The following TREML1 variants were observed in gnomAD, a reference collection of about 807,000 sequenced individuals.
TREML1 encodes trem-like transcript 1 protein.
A neutral mutation model predicts 22.8 loss-of-function variants in TREML1; 27 were observed. That is an observed-to-expected ratio of 1.19 (90% confidence interval 0.87 to 1.64). TREML1 has a LOEUF of 1.64. Among genes scored for constraint, TREML1 ranks in the 40% most tolerant of loss-of-function variants. The pLI is 0.00. For synonymous variants in TREML1, 153 were observed against 161.9 expected (o/e 0.94, Z 0.42); for missense variants, 356 against 382.0 (o/e 0.93, Z 0.57).
At chr6:41,152,458 AG>A (rs1399112170) in intron 2 of TREML1, among the ~76,000 whole-genome samples, 2 of 152,196 alleles carry the variant, frequency 1.3e-5, no homozygotes, top group East Asian at 3.9e-4. Context: ...TCAAGGAATG[AG>A]GAGGGCAAAG....
rs1313145613 is a variant in TREML1, at chr6:41,149,720, C to T, written c.820G>A (p.Val274Ile). Residue 274 changes from valine to isoleucine, a missense_variant, in exon 6 of 6, where the codon GTC (valine) becomes ATC (isoleucine). Coordinates refer to ENST00000426005, the MANE Select transcript of TREML1 (RefSeq NM_178174.4). ...GCATATGTCACAGGCTTGGAGCAGA[C>T]CAGGACCTTAGGAGGTAGAGGGGGC... Reference protein sequence around the residue: ...SLPPLPPKVLVCSKPVTYATV... With the variant: ...SLPPLPPKVLICSKPVTYATV... 2 of 1,614,116 alleles carry T rather than the reference C, an allele frequency of 1.2e-6. No homozygotes were observed. Among genetic ancestry groups the T allele is most frequent in the Admixed American group, 1.7e-5 (1 of 60,010 alleles).
intron 2 of TREML1, 135 bp downstream of exon 2, chr6:41,153,623 A>G: frequency 1.2e-6 from 1 of 846,460 alleles, no homozygotes; most frequent in Non-Finnish European, 1.8e-6. Context: ...CTCCCTGCAG[A>G]GCTGTCAAGA....
At chr6:41,153,028 A>AT (rs1561874029) in intron 2 of TREML1, among the ~76,000 whole-genome samples, 1 of 151,586 alleles carries the variant, frequency 6.6e-6, no homozygotes, top group Non-Finnish European at 1.5e-5. Context: ...GTAGCTGACC[A>AT]TTTTTTATTT....
At position 41,150,852 on chromosome 6, in the gene TREML1, C is replaced by G. The variant is rs1242946893; in HGVS notation, c.535G>C (p.Val179Leu). ...LLVGLLVAAV[V>L]LFAVMAKRKQ... ...CTCTTGGCCATCACAGCAAACAGCA[C>G]CACCGCTGCCACCAGCAGACCTACC... The change falls in exon 4 of 6, where the codon GTG (valine) becomes CTG (leucine). Residue 179 changes from valine to leucine, a missense_variant. By Grantham distance (32) the Val-to-Leu change is conservative. Coordinates refer to ENST00000426005, the MANE Select transcript of TREML1 (RefSeq NM_178174.4). 7.4e-6 allele frequency: 12 copies of G among 1,614,034 alleles called. No individual in the cohort carries two copies. The highest frequency in any genetic ancestry group is 9.3e-6 in the Non-Finnish European group (11 of 1,180,006).
rs1381771781 is a variant in TREML1, at chr6:41,150,802, G to A, written c.568+17C>T. The A allele has an allele frequency of 6.2e-7, 1 of 1,611,082 alleles. No individual in the cohort carries two copies. Among genetic ancestry groups the A allele is most frequent in the African/African-American group, 1.3e-5 (1 of 74,830 alleles). On this transcript the variant is annotated intron_variant, in intron 4 of 5. Transcript: ENST00000426005. ...GGAATGGTAGGGCCAGGCTGAGATA[G>A]GAAGATAGCCACCTACCTTGTTTCC...
chr6:41,155,375 T>TCTCTCTC (rs1765393079), upstream of TREML1, among the ~76,000 whole-genome samples: 2 of 136,726 alleles, frequency 1.5e-5, no homozygotes, highest in Admixed American at 7.2e-5. Flanking sequence ...GAGTAAACGT[T>TCTCTCTC]TCTCTCTCTC....
At chr6:41,151,013 A>G in intron 3 of TREML1, 106 bp from the exon 4 acceptor site, 1 of 968,240 alleles carries the variant, frequency 1.0e-6, no homozygotes, top group Non-Finnish European at 1.6e-6. Flanking sequence ...TGATTGGGAG[A>G]GGGAGATGAA....
chr6:41,152,229 CCTT>C (rs2113868548), intron 2 of TREML1, among the ~76,000 whole-genome samples: 1 of 152,276 alleles, frequency 6.6e-6, no homozygotes, highest in East Asian at 1.9e-4. Flanking sequence ...CCTTTGACCA[CCTT>C]CTCTGAAGCT....
chr6:41,151,020 T>C, intron 3 of TREML1, 113 bp from the exon 4 acceptor site: 1 of 899,186 alleles, frequency 1.1e-6, no homozygotes. Context: ...GAGAGGGAGA[T>C]GAAATAGAAT....
At chr6:41,151,492 A>G in intron 2 of TREML1, 108 bp from the exon 3 acceptor site, 1 of 920,612 alleles carries the variant, frequency 1.1e-6, no homozygotes, top group Non-Finnish European at 1.7e-6. Context: ...AGTGGAGCCA[A>G]GGAAGGAGAG....
Position 41,151,274 on chromosome 6 carries a change from GTC to G in TREML1, c.479+6_479+7del. On this transcript the variant is annotated splice_donor_region_variant and intron_variant, in intron 3 of 5. Coordinates refer to ENST00000426005, the MANE Select transcript of TREML1 (RefSeq NM_178174.4). ...CTCCTGGCCTCCCAAATCCAATCCTGTCAGTACCTCTTCTCATCCTGGCTGGG... is the reference window on the plus strand; with the variant it reads ...CTCCTGGCCTCCCAAATCCAATCCTGAGTACCTCTTCTCATCCTGGCTGGG... The G allele has an allele frequency of 6.2e-7, 1 of 1,613,240 alleles. No homozygotes were observed. Among genetic ancestry groups the G allele is most frequent in the African/African-American group, 1.3e-5 (1 of 75,042 alleles).
upstream of TREML1, chr6:41,154,352 G>T: frequency 1.4e-6 from 2 of 1,420,992 alleles, no homozygotes; most frequent in South Asian, 1.2e-5. Flanking sequence ...TCGCCTGAGG[G>T]CAGGAAACAT....
At chr6:41,150,143 G>T in intron 5 of TREML1, 118 bp downstream of exon 5, 7 of 1,195,300 alleles carry the variant, frequency 5.9e-6, no homozygotes, top group Non-Finnish European at 8.3e-6. Flanking sequence ...TAGGAAGAGG[G>T]TTTGGACCCC....
In TREML1 at chr6:41,150,876, C is replaced by A; in HGVS notation, c.511G>T (p.Val171Leu). 6.2e-7 allele frequency: 1 copy of A among 1,614,148 alleles called. No homozygotes were observed. The highest frequency in any genetic ancestry group is 8.5e-7 in the Non-Finnish European group (1 of 1,180,010). Residue 171 changes from valine to leucine, a missense_variant, in exon 4 of 6, where the codon GTA becomes TTA. By Grantham distance (32) the Val-to-Leu change is conservative. Coordinates refer to ENST00000426005, the MANE Select transcript of TREML1 (RefSeq NM_178174.4). The part of the protein sequence containing the change: ...IPLIWGAVLL[V>L]GLLVAAVVLF... ...ACCACCGCTGCCACCAGCAGACCTA[C>A]CAGGAGCACAGCACCCCAGATCAAG...
chr6:41,150,801 A>G lies in TREML1; in HGVS notation c.568+18T>C. ...TGGAATGGTAGGGCCAGGCTGAGAT[A>G]GGAAGATAGCCACCTACCTTGTTTC... On this transcript the variant is annotated intron_variant, in intron 4 of 5. Coordinates refer to ENST00000426005, the MANE Select transcript of TREML1 (RefSeq NM_178174.4). The G allele has an allele frequency of 1.2e-6, 2 of 1,611,670 alleles. No individual in the cohort carries two copies. The highest frequency in any genetic ancestry group is 1.7e-6 in the Non-Finnish European group (2 of 1,177,810).
intron 4 of TREML1, 103 bp from the exon 5 acceptor site, chr6:41,150,416 C>G: frequency 9.3e-7 from 1 of 1,073,686 alleles, no homozygotes; most frequent in Non-Finnish European, 1.4e-6. Context: ...TTCACTACTG[C>G]AGACTCACCT....
At chr6:41,150,571 AT>A (rs1765219099) in intron 4 of TREML1, among the ~76,000 whole-genome samples, 2 of 151,538 alleles carry the variant, frequency 1.3e-5, no homozygotes, top group South Asian at 4.2e-4. Flanking sequence ...ACCTTCTCCA[AT>A]GCCTTTCCTC....
chr6:41,154,344 G>C lies in TREML1; in HGVS notation c.-56C>G. The C allele has an allele frequency of 6.7e-7, 1 of 1,489,914 alleles. No homozygotes were observed. The highest frequency in any genetic ancestry group is 1.1e-5 in the South Asian group (1 of 87,758). The allele number at this position is 1,489,914 out of a possible 1,614,324, so 92.3% of individuals were successfully genotyped here. A position where few individuals can be genotyped will look rare whatever the true frequency, so the allele number is the denominator to read the frequency against. On this transcript the variant is annotated 5_prime_UTR_variant, in exon 1 of 6. Transcript: ENST00000426005. ...TTGCCTGGGCACTGATGCAGCATTC[G>C]CCTGAGGGCAGGAAACATCTGCCTC...
intron 2 of TREML1, 99 bp from the exon 3 acceptor site, chr6:41,151,483 G>T: frequency 9.2e-7 from 1 of 1,090,904 alleles, no homozygotes; most frequent in Non-Finnish European, 1.4e-6. Flanking sequence ...GACTGGAGGA[G>T]TGGAGCCAAG....
Sources: gnomAD v4.1 joint callset for allele counts (sites outside exome capture counted in the v4.1 genomes callset) on GRCh38, gnomAD v4.1.1 for gene constraint, MANE v1.5 for transcripts, NCBI Gene and HGNC (gene_info 2026-07-23, HGNC 2026-07-21) for gene names.